Variants in GIN1 observed in about 807,000 individuals in gnomAD.
The protein encoded by GIN1 is gypsy retrotransposon integrase-like protein 1.
Under a neutral mutation model 51.4 loss-of-function variants are expected in GIN1, and 41 were observed. That is an observed-to-expected ratio of 0.80 (90% CI 0.62 to 1.04). The LOEUF is 1.04. GIN1 is among the 50% of genes least tolerant of loss of function. GIN1 has a pLI of 0.00. For synonymous variants in GIN1, 222 were observed against 206.5 expected (o/e 1.07, Z -0.64); for missense variants, 610 against 612.4 (o/e 1.00, Z 0.04).
intron 7 of GIN1, among the ~76,000 whole-genome samples, chr5:103,089,653 T>C (rs1787181546): frequency 6.6e-6 from 1 of 152,140 alleles, no homozygotes; most frequent in African/African-American, 2.4e-5. Flanking sequence ...CTCCTGAAGA[T>C]GTTAATGGGT....
At chr5:103,117,913 C>G (rs1221438399) in intron 1 of GIN1, among the ~76,000 whole-genome samples, 1 of 152,066 alleles carries the variant, frequency 6.6e-6, no homozygotes, top group Non-Finnish European at 1.5e-5. Flanking sequence ...CCCTGCTATA[C>G]CAGTAAGTCA....
At chr5:103,089,149 G>C (rs1270311578) in intron 7 of GIN1, among the ~76,000 whole-genome samples, 11 of 152,254 alleles carry the variant, frequency 7.2e-5, no homozygotes, top group Admixed American at 6.5e-4. Context: ...CTGAAGTACT[G>C]ACAGGGAGTC....
Position 103,086,133 on chromosome 5 carries a change from T to C in GIN1, c.*1765A>G, listed in dbSNP as rs181457675. On this transcript the variant is annotated 3_prime_UTR_variant, in exon 8 of 8. Coordinates refer to ENST00000399004, the MANE Select transcript of GIN1 (RefSeq NM_017676.2). The stretch of plus-strand genomic sequence containing the variant: ...CCTCTCCCCTAACTTCTGGTAGTTT[T>C]CTGGCAATCTCTGTCATTTCTTGGC... 1 of 152,356 alleles carries C rather than the reference T, an allele frequency of 6.6e-6. No homozygotes were observed. The highest frequency in any genetic ancestry group is 2.4e-5 in the African/African-American group (1 of 41,584). 9.4% of individuals were successfully genotyped at this position (152,356 alleles called of 1,614,324 possible).
intron 4 of GIN1, among the ~76,000 whole-genome samples, chr5:103,101,372 T>A (rs926808558): frequency 6.6e-6 from 1 of 152,236 alleles, no homozygotes; most frequent in Non-Finnish European, 1.5e-5. Context: ...TTAAAAAACT[T>A]TTAAATCATT....
chr5:103,100,852 A>G (rs1464441484), intron 4 of GIN1, among the ~76,000 whole-genome samples: 1 of 152,186 alleles, frequency 6.6e-6, no homozygotes, highest in Non-Finnish European at 1.5e-5. Flanking sequence ...TCCATCAATA[A>G]AAGTGGAAGT....
At chr5:103,095,603 G>A (rs1204197246) in intron 7 of GIN1, among the ~76,000 whole-genome samples, 1 of 152,136 alleles carries the variant, frequency 6.6e-6, no homozygotes, top group African/African-American at 2.4e-5. Context: ...TGTTTTTCAT[G>A]CCAAAAAGAG....
At position 103,088,091 on chromosome 5, in the gene GIN1, T is replaced by C. The variant is rs1787130259; in HGVS notation, c.1376A>G (p.Gln459Arg). The change falls in exon 8 of 8, where the codon CAA becomes CGA. Residue 459 changes from glutamine to arginine, a missense_variant. By Grantham distance (43) the Gln-to-Arg change is conservative (BLOSUM62 1). Coordinates refer to ENST00000399004, the MANE Select transcript of GIN1 (RefSeq NM_017676.2). ...GLPEIPIGAY[Q>R]ANILVEDATI... is the part of the protein sequence containing the mutation. Reference sequence around the variant, plus strand: ...TGCATCTTCCACCAGAATATTTGCTTGATATGCTCCAATCGGAATTTCAGG... The same window carrying C: ...TGCATCTTCCACCAGAATATTTGCTCGATATGCTCCAATCGGAATTTCAGG... 1 of 1,609,402 alleles carries C rather than the reference T, an allele frequency of 6.2e-7. No homozygotes were observed. Among genetic ancestry groups the C allele is most frequent in the Admixed American group, 1.7e-5 (1 of 59,952 alleles).
In GIN1 at chr5:103,104,805, A is replaced by C. The variant is rs1562332199; in HGVS notation, c.375T>G (p.Val125=). The change falls in exon 4 of 8, where the codon GTT becomes GTG. Residue 125 remains valine, a synonymous_variant. Coordinates refer to ENST00000399004, the MANE Select transcript of GIN1 (RefSeq NM_017676.2). ...CQHCQVAKNT[V]IVAPKQHLLK... ...GAAGGTGCTGTTTCGGTGCTACAAT[A>C]ACTGTATTTTTTGCCACTTGGCAAT... 6.2e-7 allele frequency: 1 copy of C among 1,610,098 alleles called. No homozygotes were observed.
At chr5:103,103,280 T>C (rs1787626473) in intron 4 of GIN1, among the ~76,000 whole-genome samples, 1 of 152,226 alleles carries the variant, frequency 6.6e-6, no homozygotes, top group South Asian at 2.1e-4. Context: ...ATTAAACACG[T>C]CCTGTGTAAC....
intron 1 of GIN1, among the ~76,000 whole-genome samples, chr5:103,115,777 C>T (rs1788015286): frequency 6.6e-6 from 1 of 151,968 alleles, no homozygotes; most frequent in African/African-American, 2.4e-5. Flanking sequence ...AAGTTTAATG[C>T]TAATGGAAGG....
chr5:103,088,182 GA>G lies in GIN1; in HGVS notation c.1295-11del. ...AAGAGATAAAGACTTTCTGAAAAAA[GA>G]AAAATCATACATTTGACTTTTAGAA... On this transcript the variant is annotated splice_polypyrimidine_tract_variant and intron_variant, in intron 7 of 7. Coordinates refer to ENST00000399004, the MANE Select transcript of GIN1 (RefSeq NM_017676.2). 7.0e-7 allele frequency: 1 copy of G among 1,436,472 alleles called. No homozygotes were observed. 89.0% of individuals were successfully genotyped at this position (1,436,472 alleles called of 1,614,324 possible).
chr5:103,088,672 T>C (rs549059094), intron 7 of GIN1, among the ~76,000 whole-genome samples: 6 of 152,264 alleles, frequency 3.9e-5, no homozygotes, highest in Admixed American at 1.3e-4. Flanking sequence ...AGGGTGTCTA[T>C]GGTCCTAGCT....
chr5:103,103,206 G>T (rs782606287), intron 4 of GIN1, among the ~76,000 whole-genome samples: 2 of 152,154 alleles, frequency 1.3e-5, no homozygotes, highest in African/African-American at 4.8e-5. Flanking sequence ...CCAGCGCCCA[G>T]TAAAAACCCT....
In GIN1 at chr5:103,086,430, A is replaced by C. The variant is rs1787077523; in HGVS notation, c.*1468T>G. On this transcript the variant is annotated 3_prime_UTR_variant, in exon 8 of 8. Coordinates refer to ENST00000399004, the MANE Select transcript of GIN1 (RefSeq NM_017676.2). ...TTCAAAGCTCTCCATAAGGTTTCCT[A>C]CTTACCTTTTCAGCTTTATCCCTCA... is the stretch of plus-strand genomic sequence containing the variant. 1 of 152,182 alleles carries C rather than the reference A, an allele frequency of 6.6e-6. No homozygotes were observed. The highest frequency in any genetic ancestry group is 1.5e-5 in the Non-Finnish European group (1 of 68,026). 9.4% of individuals were successfully genotyped at this position (152,182 alleles called of 1,614,324 possible). A position where few individuals can be genotyped will look rare whatever the true frequency, so the allele number is the denominator to read the frequency against.
At chr5:103,095,439 G>T (rs1787365574) in intron 7 of GIN1, among the ~76,000 whole-genome samples, 1 of 152,070 alleles carries the variant, frequency 6.6e-6, no homozygotes, top group African/African-American at 2.4e-5. Context: ...GCATTCTGAG[G>T]ATTCCCCACT....
In GIN1 at chr5:103,104,798, C is replaced by T; in HGVS notation, c.382G>A (p.Ala128Thr). The T allele has an allele frequency of 1.2e-6, 2 of 1,610,850 alleles. No individual in the cohort carries two copies. Among genetic ancestry groups the T allele is most frequent in the Non-Finnish European group, 1.7e-6 (2 of 1,177,998 alleles). Residue 128 changes from alanine (A) to threonine (T), a missense_variant, in exon 4 of 8, where the codon GCA becomes ACA. Ala to Thr is a moderately conservative substitution (Grantham distance 58, BLOSUM62 0). Coordinates refer to ENST00000399004, the MANE Select transcript of GIN1 (RefSeq NM_017676.2). ...ACCTTGAGAAGGTGCTGTTTCGGTG[C>T]TACAATAACTGTATTTTTTGCCACT... ...CQVAKNTVIV[A>T]PKQHLLKVEN...
chr5:103,117,101 G>T (rs527427180), intron 1 of GIN1, among the ~76,000 whole-genome samples: 2 of 152,010 alleles, frequency 1.3e-5, no homozygotes, highest in Admixed American at 1.3e-4. Context: ...TATGTTTTTA[G>T]AAGTTTTATT....
At chr5:103,106,479 T>C (rs1346631005) in intron 3 of GIN1, 1 of 324,972 alleles carries the variant, frequency 3.1e-6, no homozygotes, top group East Asian at 5.7e-5. Flanking sequence ...AATCTGATTT[T>C]TTAAATAATC....
At chr5:103,117,636 G>A (rs962411424) in intron 1 of GIN1, among the ~76,000 whole-genome samples, 66 of 150,054 alleles carry the variant, frequency 4.4e-4, no homozygotes, top group African/African-American at 1.4e-3. Flanking sequence ...GTCTGTATTC[G>A]TGCAATGCTG....
Sources: allele counts gnomAD v4.1 joint callset (sites outside exome capture counted in the v4.1 genomes callset), GRCh38; gene constraint gnomAD v4.1.1; transcripts MANE v1.5; gene names NCBI Gene and HGNC (gene_info 2026-07-23, HGNC 2026-07-21).